Variants in EEA1 observed in about 807,000 individuals in gnomAD.
The protein encoded by EEA1 is early endosome antigen 1, 162kD.
Under a neutral mutation model 209.2 loss-of-function variants are expected in EEA1, and 111 were observed. That is an observed-to-expected ratio of 0.53 (90% CI 0.45 to 0.62). The LOEUF (loss-of-function observed/expected upper bound fraction) is 0.62. EEA1 is among the 20% of genes least tolerant of loss of function. EEA1 has a pLI of 0.00. For missense variants in EEA1, 1,343 were observed against 1,530.8 expected (o/e 0.88, Z 2.05); for synonymous variants, 536 against 540.6 (o/e 0.99, Z 0.12).
At chr12:92,876,829 C>T (rs61935285) in intron 2 of EEA1, among the ~76,000 whole-genome samples, 8 of 120,954 alleles carry the variant, frequency 6.6e-5, no homozygotes, top group African/African-American at 2.1e-4. Context: ...AAGCTGATCA[C>T]CAAAAAAAAA....
chr12:92,871,561 T>C (rs986302989), intron 2 of EEA1, among the ~76,000 whole-genome samples: 2 of 152,046 alleles, frequency 1.3e-5, no homozygotes, highest in South Asian at 2.1e-4. Context: ...TTTAGAAAAA[T>C]ATACAGAAAA....
intron 24 of EEA1, 118 bp downstream of exon 24, chr12:92,780,162 A>G (rs1873843035): frequency 1.8e-6 from 2 of 1,089,172 alleles, no homozygotes; most frequent in South Asian, 1.6e-5. Flanking sequence ...GAAACAACAG[A>G]ACAATTTGCC....
chr12:92,875,402 C>T (rs1466107847), intron 2 of EEA1, among the ~76,000 whole-genome samples: 1 of 152,120 alleles, frequency 6.6e-6, no homozygotes, highest in Non-Finnish European at 1.5e-5. Context: ...CACCACTGCA[C>T]TCCAGACTGG....
chr12:92,800,431 C>T lies in EEA1; in HGVS notation c.2772+1169G>A, dbSNP rs1474354912. ...CAAAGTCATGTTTTCATGTTCTATGCATATTTTACTAAGAACCTAGCATTA... is the reference window on the plus strand; with the variant it reads ...CAAAGTCATGTTTTCATGTTCTATGTATATTTTACTAAGAACCTAGCATTA... On this transcript the variant is annotated intron_variant, in intron 20 of 28. Transcript: ENST00000322349. Among the ~76,000 whole-genome samples, 3 of 152,122 alleles carry T rather than the reference C, an allele frequency of 2.0e-5. No individual in the cohort carries two copies. The East Asian group carries it at 5.8e-4, about 29-fold the overall frequency.
Position 92,779,233 on chromosome 12 carries a change from G to T in EEA1, c.3536C>A (p.Ala1179Glu). 1 of 1,608,694 alleles carries T rather than the reference G, an allele frequency of 6.2e-7. No individual in the cohort carries two copies. The highest frequency in any genetic ancestry group is 8.5e-7 in the Non-Finnish European group (1 of 1,178,254). ...TTCAACAGCTGCCTTCAGGGAGTCC[G>T]CTTTTCCTTGAAGTTCTAATTTCTG... ...IQQKLELQGK[A>E]DSLKAAVEQE... The change falls in exon 25 of 29, where the codon GCG (alanine) becomes GAG (glutamate). Residue 1179 changes from alanine to glutamate, a missense_variant. This residue lies in a region of EEA1 where 1,307 missense variants were observed against 1,465.5 expected (regional missense o/e 0.89). Transcript: ENST00000322349.
chr12:92,795,217 C>G (rs1384022926), intron 21 of EEA1, among the ~76,000 whole-genome samples: 3 of 152,142 alleles, frequency 2.0e-5, no homozygotes, highest in African/African-American at 7.2e-5. Flanking sequence ...CTCATGTTAC[C>G]TTCTCCCTCA....
In EEA1 at chr12:92,884,756, C is replaced by T. The variant is rs1592756631; in HGVS notation, c.117+6873G>A. 7.4e-6 allele frequency: 9 copies of T among 1,209,178 alleles called. No homozygotes were observed. In the East Asian group the frequency reaches 2.0e-4, roughly 26 times the overall value. 74.9% of individuals were successfully genotyped at this position (1,209,178 alleles called of 1,614,324 possible). On this transcript the variant is annotated intron_variant, in intron 2 of 28. Transcript: ENST00000322349. ...GAGAGCCAGAGAAGTGACAGGGAAG[C>T]TACAGGTTACAACAGATTGTGAACT...
At chr12:92,894,096 T>G (rs1011904533) in intron 1 of EEA1, among the ~76,000 whole-genome samples, 2 of 152,242 alleles carry the variant, frequency 1.3e-5, no homozygotes, top group African/African-American at 4.8e-5. Flanking sequence ...TTATCATATC[T>G]GTTATGGTGA....
chr12:92,925,196 A>AC (rs1343577465), intron 1 of EEA1, among the ~76,000 whole-genome samples: 1 of 151,268 alleles, frequency 6.6e-6, no homozygotes, highest in Non-Finnish European at 1.5e-5. Context: ...AAAAAAAAAA[A>AC]AACACTAATC....
chr12:92,913,990 A>G (rs1214804908), intron 1 of EEA1, among the ~76,000 whole-genome samples: 2 of 152,170 alleles, frequency 1.3e-5, no homozygotes, highest in Non-Finnish European at 2.9e-5. Flanking sequence ...CCTTCAGTTA[A>G]TTTGAGTTAT....
chr12:92,857,345 TA>T lies in EEA1; in HGVS notation c.301-6del, dbSNP rs1565837921. On this transcript the variant is annotated splice_polypyrimidine_tract_variant and splice_region_variant and intron_variant, in intron 4 of 28. Coordinates refer to ENST00000322349, the MANE Select transcript of EEA1 (RefSeq NM_003566.4). ...TTCCGAGTACCATTTTTCTTCCTAA[TA>T]AAAAAGATTTTTAATTAGTAAATTT... 1 of 1,578,990 alleles carries T rather than the reference TA, an allele frequency of 6.3e-7. No homozygotes were observed. The highest frequency in any genetic ancestry group is 8.6e-7 in the Non-Finnish European group (1 of 1,165,382).
chr12:92,914,040 T>A (rs1216879673), intron 1 of EEA1, among the ~76,000 whole-genome samples: 1 of 152,226 alleles, frequency 6.6e-6, no homozygotes, highest in Non-Finnish European at 1.5e-5. Flanking sequence ...AGCTTCATTC[T>A]TCTGCATATG....
intron 19 of EEA1, 83 bp downstream of exon 19, chr12:92,802,321 A>C: frequency 7.8e-7 from 1 of 1,286,968 alleles, no homozygotes; most frequent in Non-Finnish European, 1.1e-6. Context: ...AAAGAAAAGC[A>C]AACTGTGAAT....
At chr12:92,904,690 C>T (rs1196253867) in intron 1 of EEA1, among the ~76,000 whole-genome samples, 1 of 152,144 alleles carries the variant, frequency 6.6e-6, no homozygotes, top group African/African-American at 2.4e-5. Flanking sequence ...GCTCAAAGAA[C>T]TCAGGGAAAC....
chr12:92,829,801 AAAC>A (rs1876532755), intron 11 of EEA1, among the ~76,000 whole-genome samples: 4 of 151,378 alleles, frequency 2.6e-5, no homozygotes, highest in Non-Finnish European at 4.4e-5. Flanking sequence ...AAAAAACAAA[AAAC>A]AAGCCAAATG....
chr12:92,802,751 C>A lies in EEA1; in HGVS notation c.2340-17G>T. On this transcript the variant is annotated splice_polypyrimidine_tract_variant and intron_variant, in intron 18 of 28. Coordinates refer to ENST00000322349, the MANE Select transcript of EEA1 (RefSeq NM_003566.4). ...CTGGATACTCTAAATATTTAAAAAA[C>A]AATCTTTTTAAATAACACATAATTT... 6.7e-7 allele frequency: 1 copy of A among 1,492,038 alleles called. No individual in the cohort carries two copies. Among genetic ancestry groups the A allele is most frequent in the Non-Finnish European group, 8.9e-7 (1 of 1,118,692 alleles). 92.4% of individuals were successfully genotyped at this position (1,492,038 alleles called of 1,614,324 possible). A position where few individuals can be genotyped will look rare whatever the true frequency, so the allele number is the denominator to read the frequency against.
intron 3 of EEA1, among the ~76,000 whole-genome samples, chr12:92,864,473 A>T (rs1592744718): frequency 6.6e-6 from 1 of 152,186 alleles, no homozygotes; most frequent in South Asian, 2.1e-4. Flanking sequence ...TTATAAATGG[A>T]AATTTTTAAA....
chr12:92,896,882 A>G (rs1321934436), intron 1 of EEA1, among the ~76,000 whole-genome samples: 2 of 152,166 alleles, frequency 1.3e-5, no homozygotes, highest in East Asian at 3.8e-4. Context: ...ACAAGCAAAA[A>G]GATTATGACT....
At chr12:92,796,397 T>C (rs2136662329) in intron 21 of EEA1, among the ~76,000 whole-genome samples, 2 of 152,160 alleles carry the variant, frequency 1.3e-5, no homozygotes, top group African/African-American at 2.4e-5. Context: ...ATAAATGCTA[T>C]GTAAATAGTT....
Sources: gnomAD v4.1 joint callset for allele counts (sites outside exome capture counted in the v4.1 genomes callset) on GRCh38, gnomAD v4.1.1 for gene constraint, gnomAD v4.1.1 regional missense constraint, MANE v1.5 for transcripts, NCBI Gene and HGNC (gene_info 2026-07-23, HGNC 2026-07-21) for gene names.